WNT8B: variants seen among roughly 807,000 people sequenced by gnomAD.
WNT8B encodes Wnt family member 8B.
WNT8B carries 24 observed loss-of-function variants against 36.6 expected under a neutral mutation model. That is an observed-to-expected ratio of 0.66 (90% CI 0.48 to 0.92). The LOEUF (loss-of-function observed/expected upper bound fraction) is 0.92. Among genes scored for constraint, WNT8B ranks in the 40% least tolerant of loss-of-function variants. The pLI is 0.00. For synonymous variants in WNT8B, 199 were observed against 189.8 expected (o/e 1.05, Z -0.40); for missense variants, 402 against 470.8 (o/e 0.85, Z 1.35).
At chr10:100,468,618 G>A (rs953598319) in intron 1 of WNT8B, among the ~76,000 whole-genome samples, 3 of 152,204 alleles carry the variant, frequency 2.0e-5, no homozygotes, top group African/African-American at 2.4e-5. Context: ...GTAGCTTAGC[G>A]TTTCTCAGCA....
At chr10:100,475,489 C>T (rs1851027779) in intron 1 of WNT8B, among the ~76,000 whole-genome samples, 1 of 152,188 alleles carries the variant, frequency 6.6e-6, no homozygotes, top group South Asian at 2.1e-4. Flanking sequence ...TGGGCTTGAC[C>T]TGGATATCAT....
At chr10:100,469,283 A>ACTAGCT (rs1850947533) in intron 1 of WNT8B, among the ~76,000 whole-genome samples, 1 of 152,160 alleles carries the variant, frequency 6.6e-6, no homozygotes, top group Non-Finnish European at 1.5e-5. Context: ...TTCATGTCAT[A>ACTAGCT]ACTCCTCACT....
Position 100,482,830 on chromosome 10 carries a change from C to T in WNT8B, c.*14C>T. The T allele has an allele frequency of 6.7e-7, 1 of 1,494,244 alleles. No homozygotes were observed. Among genetic ancestry groups the T allele is most frequent in the Non-Finnish European group, 8.9e-7 (1 of 1,120,416 alleles). The allele number at this position is 1,494,244 out of a possible 1,614,324, so 92.6% of individuals were successfully genotyped here. Reference sequence around the variant, plus strand: ...AGAAAACCCTAAGGGTTTCCTCTGCCCCCTCCTTTTCCCACTGGTTCTTGG... The same window carrying T: ...AGAAAACCCTAAGGGTTTCCTCTGCTCCCTCCTTTTCCCACTGGTTCTTGG... On this transcript the variant is annotated 3_prime_UTR_variant, in exon 6 of 6. Transcript: ENST00000343737. This position sits in a 1 kb window ranked among gnomAD's most constrained non-coding sequence, Gnocchi z 6.6.
chr10:100,472,287 T>C (rs1484599991), intron 1 of WNT8B, among the ~76,000 whole-genome samples: 4 of 151,760 alleles, frequency 2.6e-5, no homozygotes, highest in African/African-American at 9.7e-5. Context: ...ATTTTTTGTA[T>C]TTTTAGTAGC....
intron 2 of WNT8B, 98 bp from the exon 3 acceptor site, chr10:100,479,776 G>T: frequency 1.4e-6 from 2 of 1,445,542 alleles, no homozygotes; most frequent in South Asian, 1.3e-5. Flanking sequence ...CCATTATTTT[G>T]GAGGGATGGG....
intron 1 of WNT8B, 113 bp downstream of exon 1, chr10:100,463,349 A>G (rs1850876771): frequency 4.8e-6 from 5 of 1,051,726 alleles, no homozygotes; most frequent in Non-Finnish European, 5.6e-6. Context: ...CTCTCCTAGG[A>G]AAAACTGTTC....
intron 1 of WNT8B, among the ~76,000 whole-genome samples, chr10:100,466,702 G>T (rs1850910525): frequency 6.6e-6 from 1 of 151,872 alleles, no homozygotes; most frequent in African/African-American, 2.4e-5. Flanking sequence ...ATTAAAAAAG[G>T]ACCAGAAGAA....
intron 1 of WNT8B, among the ~76,000 whole-genome samples, chr10:100,471,249 T>C (rs754919829): frequency 6.6e-5 from 10 of 152,336 alleles, no homozygotes; most frequent in East Asian, 5.8e-4. Flanking sequence ...GACACATTTC[T>C]CAAAACATAT....
At chr10:100,478,523 C>T (rs1316634578) in intron 1 of WNT8B, among the ~76,000 whole-genome samples, 3 of 151,832 alleles carry the variant, frequency 2.0e-5, no homozygotes, top group Non-Finnish European at 4.4e-5. Context: ...TTTAACAATG[C>T]AAGGAAATGA....
chr10:100,477,733 C>T (rs1851056311), intron 1 of WNT8B, among the ~76,000 whole-genome samples: 1 of 151,600 alleles, frequency 6.6e-6, no homozygotes, highest in South Asian at 2.1e-4. Context: ...GATAAATGCC[C>T]AAGAGTGCAA....
In WNT8B at chr10:100,482,712, G is replaced by A. The variant is rs1370993357; in HGVS notation, c.952G>A (p.Ala318Thr). ...SCNCKFHWCCAVRCEQCRRRV... is the reference protein window; with the variant it reads ...SCNCKFHWCCTVRCEQCRRRV... ...CAACTGCAAGTTCCACTGGTGCTGC[G>A]CAGTCCGCTGCGAGCAGTGCCGCCG... The change falls in exon 6 of 6, where the codon GCA becomes ACA. Residue 318 changes from alanine (A) to threonine (T), a missense_variant. Ala to Thr is a moderately conservative substitution (Grantham distance 58, BLOSUM62 0). This residue lies in a region of WNT8B where 256 missense variants were observed against 278.6 expected (regional missense o/e 0.92). Transcript: ENST00000343737. This position sits in a 1 kb window ranked among gnomAD's most constrained non-coding sequence, Gnocchi z 6.6. 2 of 1,609,190 alleles carry A rather than the reference G, an allele frequency of 1.2e-6. No homozygotes were observed. The highest frequency in any genetic ancestry group is 1.7e-6 in the Non-Finnish European group (2 of 1,178,464).
intron 3 of WNT8B, among the ~76,000 whole-genome samples, chr10:100,480,613 C>T (rs933412296): frequency 1.3e-5 from 2 of 152,156 alleles, no homozygotes; most frequent in African/African-American, 2.4e-5. Flanking sequence ...AGTACCCTAG[C>T]CACTTGGTCA....
chr10:100,468,139 G>A (rs1850931992), intron 1 of WNT8B, among the ~76,000 whole-genome samples: 1 of 152,142 alleles, frequency 6.6e-6, no homozygotes, highest in Non-Finnish European at 1.5e-5. Context: ...AATTAGCAAA[G>A]GCAGTAGAAA....
intron 3 of WNT8B, among the ~76,000 whole-genome samples, chr10:100,480,581 C>T (rs115753209): frequency 0.016 from 2,510 of 152,282 alleles, 73 homozygotes; most frequent in African/African-American, 0.057. Context: ...TCCTCAGGCT[C>T]TTTCCAGTCA....
chr10:100,463,661 A>ATT, intron 1 of WNT8B, among the ~76,000 whole-genome samples: 1 of 149,686 alleles, frequency 6.7e-6, no homozygotes, highest in African/African-American at 2.4e-5. Context: ...TTCTGACTTT[A>ATT]TTTTTTTTTT....
chr10:100,466,019 T>TCATACTGG (rs1188305824), intron 1 of WNT8B, among the ~76,000 whole-genome samples: 2 of 152,062 alleles, frequency 1.3e-5, no homozygotes, highest in Non-Finnish European at 2.9e-5. Context: ...ATTACTGAAT[T>TCATACTGG]CATACTGGGG....
chr10:100,467,580 T>C (rs1850920567), intron 1 of WNT8B, among the ~76,000 whole-genome samples: 3 of 152,192 alleles, frequency 2.0e-5, no homozygotes, highest in Admixed American at 2.0e-4. Context: ...TCAGGTTCTT[T>C]AGGTTTATCG....
At chr10:100,475,311 T>G (rs1439133293) in intron 1 of WNT8B, among the ~76,000 whole-genome samples, 1 of 152,176 alleles carries the variant, frequency 6.6e-6, no homozygotes, top group Admixed American at 6.5e-5. Flanking sequence ...ATCACACCAC[T>G]GTACTCAAGC....
intron 4 of WNT8B, 124 bp downstream of exon 4, chr10:100,481,247 T>G (rs986291978): frequency 1.6e-5 from 21 of 1,338,394 alleles, no homozygotes; most frequent in Non-Finnish European, 2.0e-5. Context: ...GGAAGATGGG[T>G]GAACGAGTTT....
Sources: allele counts gnomAD v4.1 joint callset (sites outside exome capture counted in the v4.1 genomes callset), GRCh38; gene constraint gnomAD v4.1.1; regional missense constraint gnomAD v4.1.1; non-coding constraint Gnocchi (gnomAD v3.1); transcripts MANE v1.5; gene names NCBI Gene and HGNC (gene_info 2026-07-23, HGNC 2026-07-21).